Variants in SORCS1 observed in about 807,000 individuals in gnomAD.
SORCS1 encodes sortilin related VPS10 domain containing receptor 1, also known as VPS10 domain-containing receptor SorCS1.
A neutral mutation model predicts 146.1 loss-of-function variants in SORCS1; 60 were observed. The ratio of observed to expected loss-of-function variants is 0.41; its 90% CI spans 0.33 to 0.51. SORCS1 has a LOEUF of 0.51. Among genes scored for constraint, SORCS1 ranks in the 20% least tolerant of loss-of-function variants. SORCS1 has a pLI of 0.21. For missense variants in SORCS1, 1,352 were observed against 1,487.6 expected (o/e 0.91, Z 1.50); for synonymous variants, 637 against 584.0 (o/e 1.09, Z -1.31).
upstream of SORCS1, among the ~76,000 whole-genome samples, chr10:107,167,324 T>G (rs1565129948): frequency 2.0e-5 from 3 of 152,362 alleles, no homozygotes; most frequent in South Asian, 6.2e-4. Context: ...TCAAGATGTT[T>G]TCAATCCAAC....
intron 1 of SORCS1, among the ~76,000 whole-genome samples, chr10:107,072,109 C>T (rs921620071): frequency 3.3e-5 from 5 of 152,152 alleles, no homozygotes; most frequent in Non-Finnish European, 7.4e-5. Context: ...AGTGAAGATG[C>T]GTTGCTGGGA....
intron 1 of SORCS1, among the ~76,000 whole-genome samples, chr10:107,122,997 T>G (rs1966492431): frequency 6.6e-6 from 1 of 151,856 alleles, no homozygotes; most frequent in South Asian, 2.1e-4. Flanking sequence ...AGAAATCATA[T>G]TCCTCTCCAC....
At chr10:106,631,508 C>T (rs1848439314) in intron 18 of SORCS1, among the ~76,000 whole-genome samples, 1 of 152,114 alleles carries the variant, frequency 6.6e-6, no homozygotes, top group African/African-American at 2.4e-5. Context: ...ACTTTTGAAG[C>T]AAGTATCTGA....
At chr10:106,780,307 AG>A (rs1359837689) in intron 3 of SORCS1, among the ~76,000 whole-genome samples, 1 of 152,190 alleles carries the variant, frequency 6.6e-6, no homozygotes, top group Non-Finnish European at 1.5e-5. Flanking sequence ...TATTTTTGCT[AG>A]TTTAGAATGA....
intron 3 of SORCS1, among the ~76,000 whole-genome samples, chr10:106,781,366 A>G (rs552201569): frequency 1.3e-5 from 2 of 152,194 alleles, no homozygotes; most frequent in African/African-American, 4.8e-5. Context: ...TCATTTGTCT[A>G]TTCTTTGTCA....
At chr10:106,828,625 G>A (rs1023847122) in intron 3 of SORCS1, among the ~76,000 whole-genome samples, 4 of 152,072 alleles carry the variant, frequency 2.6e-5, no homozygotes, top group African/African-American at 9.7e-5. Flanking sequence ...TGAATGACAC[G>A]TTTCTATTTC....
In SORCS1 at chr10:106,679,908, C is replaced by T. The variant is rs896349522; in HGVS notation, c.1561-174G>A. On this transcript the variant is annotated intron_variant, in intron 10 of 25. Coordinates refer to ENST00000263054, the MANE Select transcript of SORCS1 (RefSeq NM_052918.5). ...CCAACATCTTCCATCCCCCAAATATCTAGTGTCCACTAAGTGTAAAACAGC... is the reference window on the plus strand; with the variant it reads ...CCAACATCTTCCATCCCCCAAATATTTAGTGTCCACTAAGTGTAAAACAGC... Among the ~76,000 whole-genome samples, 3 of 152,140 alleles carry T rather than the reference C, an allele frequency of 2.0e-5. No individual in the cohort carries two copies. The East Asian group carries it at 5.8e-4, about 29-fold the overall frequency.
In SORCS1 at chr10:106,896,643, G is replaced by A. The variant is rs376793405; in HGVS notation, c.626+59870C>T. Among the ~76,000 whole-genome samples, 7 of 151,472 alleles carry A rather than the reference G, an allele frequency of 4.6e-5. No homozygotes were observed. In the East Asian group the frequency reaches 1.4e-3, roughly 29 times the overall value. On this transcript the variant is annotated intron_variant, in intron 2 of 25. Transcript: ENST00000263054. Reference sequence around the variant, plus strand: ...GATGGAATTAAGATGGTTAATTTTAGGTTATATGTTTTTTACATTGTTTTA... The same window carrying A: ...GATGGAATTAAGATGGTTAATTTTAAGTTATATGTTTTTTACATTGTTTTA...
intron 16 of SORCS1, 29 bp downstream of exon 16, chr10:106,671,208 G>A: frequency 6.2e-7 from 1 of 1,613,524 alleles, no homozygotes; most frequent in Non-Finnish European, 8.5e-7. Context: ...TACACCAAAT[G>A]GCTCCAGGAG....
At chr10:107,106,249 A>C (rs180957467) in intron 1 of SORCS1, among the ~76,000 whole-genome samples, 119 of 152,326 alleles carry the variant, frequency 7.8e-4, no homozygotes, top group Non-Finnish European at 9.6e-4. Context: ...CAAATTTGGC[A>C]AAAGCAAGAT....
Position 107,132,220 on chromosome 10 carries a change from T to C in SORCS1, c.558+31749A>G, listed in dbSNP as rs139505783. ...ACCTCCTCAAGACAGTCAGGTTTTATAAACTCCAGGCAATCCCATTATTTA... is the reference window on the plus strand; with the variant it reads ...ACCTCCTCAAGACAGTCAGGTTTTACAAACTCCAGGCAATCCCATTATTTA... On this transcript the variant is annotated intron_variant, in intron 1 of 25. Coordinates refer to ENST00000263054, the MANE Select transcript of SORCS1 (RefSeq NM_052918.5). Among the ~76,000 whole-genome samples, 738 of 152,214 alleles carry C rather than the reference T, an allele frequency of 4.8e-3. 4 individuals carry two copies. The highest frequency in any genetic ancestry group is 0.016 in the African/African-American group (677 of 41,542).
intron 24 of SORCS1, among the ~76,000 whole-genome samples, chr10:106,587,572 A>T (rs1024042032): frequency 1.3e-5 from 2 of 152,242 alleles, no homozygotes; most frequent in African/African-American, 4.8e-5. Flanking sequence ...TTCCCTCCCA[A>T]ATTTACTCAT....
chr10:106,830,592 T>TTA (rs1554854256), intron 2 of SORCS1, among the ~76,000 whole-genome samples: 11 of 146,144 alleles, frequency 7.5e-5, no homozygotes, highest in African/African-American at 2.8e-4. Context: ...TTTTTTTTTT[T>TTA]AAAAAAATTT....
chr10:106,623,936 G>A (rs1371669463), intron 19 of SORCS1, among the ~76,000 whole-genome samples: 2 of 151,864 alleles, frequency 1.3e-5, no homozygotes, highest in African/African-American at 2.4e-5. Context: ...CACCCACCTC[G>A]GCCCCCCCAA....
chr10:106,886,553 C>A (rs1057397180), intron 2 of SORCS1, among the ~76,000 whole-genome samples: 1 of 152,148 alleles, frequency 6.6e-6, no homozygotes, highest in South Asian at 2.1e-4. Flanking sequence ...CCTGTGATTA[C>A]TATCGATCTG....
intron 6 of SORCS1, among the ~76,000 whole-genome samples, chr10:106,723,110 C>T (rs916629712): frequency 1.3e-5 from 2 of 152,088 alleles, no homozygotes; most frequent in Non-Finnish European, 2.9e-5. Flanking sequence ...CGCTTGAGCC[C>T]AGGAGTTTAA....
At chr10:106,717,045 C>A (rs1267769321) in intron 6 of SORCS1, among the ~76,000 whole-genome samples, 3 of 152,056 alleles carry the variant, frequency 2.0e-5, no homozygotes, top group Non-Finnish European at 4.4e-5. Context: ...TTTAATTTTC[C>A]CTAATATTGT....
chr10:106,587,847 G>T (rs990216477), intron 24 of SORCS1, among the ~76,000 whole-genome samples: 8 of 146,266 alleles, frequency 5.5e-5, no homozygotes, highest in Non-Finnish European at 1.6e-5. Flanking sequence ...ATTTTTTTTG[G>T]GGGGGGTCAT....
At chr10:106,616,387 G>C (rs1847362833) in intron 21 of SORCS1, among the ~76,000 whole-genome samples, 1 of 152,180 alleles carries the variant, frequency 6.6e-6, no homozygotes, top group Non-Finnish European at 1.5e-5. Flanking sequence ...CCTGAGTCTA[G>C]ATGGGTTGGG....
Sources: gnomAD v4.1 joint callset for allele counts (sites outside exome capture counted in the v4.1 genomes callset) on GRCh38, gnomAD v4.1.1 for gene constraint, MANE v1.5 for transcripts, NCBI Gene and HGNC (gene_info 2026-07-23, HGNC 2026-07-21) for gene names.